PTPRR: variants seen among roughly 807,000 people sequenced by gnomAD.
PTPRR encodes the protein receptor-type tyrosine-protein phosphatase R.
Under a neutral mutation model 77.2 loss-of-function variants are expected in PTPRR, and 38 were observed. The ratio of observed to expected loss-of-function variants is 0.49; its 90% confidence interval spans 0.38 to 0.65. The LOEUF (loss-of-function observed/expected upper bound fraction) is 0.65, where lower values mean the gene tolerates loss of function less well. PTPRR is among the 30% of genes least tolerant of loss of function. The pLI, the probability that PTPRR is intolerant of heterozygous loss-of-function variation, is 0.00. For synonymous variants in PTPRR, 299 were observed against 283.1 expected (o/e 1.06, Z -0.57); for missense variants, 744 against 799.2 (o/e 0.93, Z 0.83).
intron 4 of PTPRR, among the ~76,000 whole-genome samples, chr12:70,759,950 G>A (rs998934531): frequency 1.2e-4 from 18 of 152,154 alleles, no homozygotes; most frequent in African/African-American, 4.3e-4. Context: ...CCAAATTTAT[G>A]TTGAGAAAGA....
At chr12:70,826,222 G>A (rs886739962) in intron 2 of PTPRR, among the ~76,000 whole-genome samples, 5 of 152,100 alleles carry the variant, frequency 3.3e-5, no homozygotes, top group African/African-American at 1.2e-4. Flanking sequence ...CTGAAATTTT[G>A]TTAACACCTT....
intron 6 of PTPRR, among the ~76,000 whole-genome samples, chr12:70,742,644 C>T (rs1266626881): frequency 1.3e-5 from 2 of 152,070 alleles, no homozygotes; most frequent in South Asian, 4.1e-4. Context: ...GAGAAAAACA[C>T]TCAAATATAA....
chr12:70,787,947 T>G, intron 2 of PTPRR, among the ~76,000 whole-genome samples: 1 of 152,344 alleles, frequency 6.6e-6, no homozygotes, highest in East Asian at 1.9e-4. Flanking sequence ...AACCATTATA[T>G]TGTTTTTAAA....
intron 2 of PTPRR, among the ~76,000 whole-genome samples, chr12:70,818,299 C>T (rs1891942914): frequency 6.6e-6 from 1 of 151,482 alleles, no homozygotes; most frequent in Admixed American, 6.6e-5. Flanking sequence ...AGATATGTGC[C>T]TCTCTCTCTA....
At chr12:70,808,324 T>C (rs1488460607) in intron 2 of PTPRR, among the ~76,000 whole-genome samples, 1 of 152,114 alleles carries the variant, frequency 6.6e-6, no homozygotes, top group Non-Finnish European at 1.5e-5. Context: ...CCTGAACTTG[T>C]GATCTTGCCC....
At position 70,768,329 on chromosome 12, in the gene PTPRR, C is replaced by G. The variant is rs1234570886; in HGVS notation, c.358-3551G>C. Among the ~76,000 whole-genome samples, 3 of 152,182 alleles carry G rather than the reference C, an allele frequency of 2.0e-5. No homozygotes were observed. The East Asian group carries it at 5.8e-4, about 29-fold the overall frequency. Reference sequence around the variant, plus strand: ...CAATAAAAAATGATAAAGGGGATATCACCATCGATCCCACAGAAATACAAA... The same window carrying G: ...CAATAAAAAATGATAAAGGGGATATGACCATCGATCCCACAGAAATACAAA... On this transcript the variant is annotated intron_variant, in intron 2 of 13. Coordinates refer to ENST00000283228, the MANE Select transcript of PTPRR (RefSeq NM_002849.4).
intron 5 of PTPRR, among the ~76,000 whole-genome samples, chr12:70,747,298 G>A (rs532715706): frequency 1.3e-5 from 2 of 152,198 alleles, no homozygotes; most frequent in South Asian, 4.2e-4. Flanking sequence ...ATTACTAAAC[G>A]ATGAGGCAAC....
intron 2 of PTPRR, among the ~76,000 whole-genome samples, chr12:70,780,016 A>G (rs1338487144): frequency 2.0e-5 from 3 of 151,806 alleles, no homozygotes; most frequent in African/African-American, 4.8e-5. Flanking sequence ...TTTTTAAGAC[A>G]GAGTCTCGCT....
chr12:70,756,858 G>C (rs1012066900), intron 4 of PTPRR, among the ~76,000 whole-genome samples: 4 of 152,254 alleles, frequency 2.6e-5, no homozygotes, highest in African/African-American at 7.2e-5. Context: ...CAGAGATACA[G>C]AGGATCTAGG....
intron 6 of PTPRR, among the ~76,000 whole-genome samples, chr12:70,731,035 G>A (rs1207649316): frequency 9.2e-6 from 1 of 108,764 alleles, no homozygotes; most frequent in Non-Finnish European, 2.0e-5. Context: ...AGAGGAAGGA[G>A]AGAGAGGAAG....
chr12:70,702,462 G>A (rs1163510257), intron 6 of PTPRR, among the ~76,000 whole-genome samples: 1 of 152,120 alleles, frequency 6.6e-6, no homozygotes, highest in Non-Finnish European at 1.5e-5. Flanking sequence ...GACAGTAAGA[G>A]TAGATGCTAG....
intron 6 of PTPRR, among the ~76,000 whole-genome samples, chr12:70,733,450 G>A (rs796803209): frequency 0.022 from 1,627 of 73,532 alleles, 30 homozygotes; most frequent in African/African-American, 0.052. Context: ...AAAAAAGAAA[G>A]AAAAAAAGAA....
chr12:70,897,374 C>T lies in PTPRR; in HGVS notation c.59-4397G>A, dbSNP rs548629163. On this transcript the variant is annotated intron_variant, in intron 1 of 13. Transcript: ENST00000283228. ...TGAACAGACACTTCTCAAAAGAAGA[C>T]ATTTATGCAGCCAAAAAACACATGA... is the stretch of plus-strand genomic sequence containing the variant. 3.1e-3 allele frequency among the ~76,000 whole-genome samples: 469 copies of T among 152,022 alleles called. 4 individuals carry two copies. The highest frequency in any genetic ancestry group is 6.8e-3 in the Middle Eastern group (2 of 294).
chr12:70,842,847 A>G (rs1188351943), intron 2 of PTPRR, among the ~76,000 whole-genome samples: 2 of 152,182 alleles, frequency 1.3e-5, no homozygotes, highest in African/African-American at 2.4e-5. Context: ...TTTTTGGCCT[A>G]CCACAGCAAG....
chr12:70,839,087 T>C (rs1004870275), intron 2 of PTPRR, among the ~76,000 whole-genome samples: 26 of 152,106 alleles, frequency 1.7e-4, no homozygotes, highest in African/African-American at 6.3e-4. Flanking sequence ...CTTTTCTTTA[T>C]CTATAAACTA....
At chr12:70,879,491 G>A (rs146966670) in intron 2 of PTPRR, among the ~76,000 whole-genome samples, 189 of 152,012 alleles carry the variant, frequency 1.2e-3, no homozygotes, top group African/African-American at 4.2e-3. Context: ...ACATGAACCC[G>A]TCATGTCTAC....
chr12:70,797,134 A>G (rs1382854358), intron 2 of PTPRR, among the ~76,000 whole-genome samples: 3 of 152,094 alleles, frequency 2.0e-5, no homozygotes, highest in Non-Finnish European at 4.4e-5. Flanking sequence ...CTCTCTTTGG[A>G]TATACTGCTT....
At chr12:70,688,232 G>T (rs1053256131) in intron 8 of PTPRR, among the ~76,000 whole-genome samples, 3 of 152,120 alleles carry the variant, frequency 2.0e-5, no homozygotes, top group Non-Finnish European at 4.4e-5. Flanking sequence ...AGACACAGGG[G>T]ATTGCATCAA....
At chr12:70,844,096 G>C (rs896521408) in intron 2 of PTPRR, among the ~76,000 whole-genome samples, 1 of 152,010 alleles carries the variant, frequency 6.6e-6, no homozygotes, top group African/African-American at 2.4e-5. Flanking sequence ...GATTACAGGC[G>C]TGAGTCACCA....
Sources: gnomAD v4.1 joint callset for allele counts (sites outside exome capture counted in the v4.1 genomes callset) on GRCh38, gnomAD v4.1.1 for gene constraint, MANE v1.5 for transcripts, NCBI Gene and HGNC (gene_info 2026-07-23, HGNC 2026-07-21) for gene names.